The following GRM7 variants were observed in gnomAD, a reference collection of about 807,000 sequenced individuals.
GRM7 encodes the protein metabotropic glutamate receptor 7.
In GRM7, 35 loss-of-function variants were observed where a neutral mutation model predicts 84.5. That is an observed-to-expected ratio of 0.41 (90% confidence interval 0.32 to 0.55). The LOEUF (loss-of-function observed/expected upper bound fraction) is 0.55. Among genes scored for constraint, GRM7 ranks in the 20% least tolerant of loss-of-function variants. GRM7 has a pLI of 0.19. For synonymous variants in GRM7, 487 were observed against 455.1 expected (o/e 1.07, Z -0.89); for missense variants, 1,003 against 1,194.6 (o/e 0.84, Z 2.36).
At chr3:7,692,480 C>G (rs1196458235) in intron 9 of GRM7, among the ~76,000 whole-genome samples, 1 of 152,132 alleles carries the variant, frequency 6.6e-6, no homozygotes, top group African/African-American at 2.4e-5. Context: ...GGAAGTTTGG[C>G]TTTTATTGCA....
At chr3:7,541,316 C>G (rs1575472280) in intron 7 of GRM7, among the ~76,000 whole-genome samples, 1 of 151,962 alleles carries the variant, frequency 6.6e-6, no homozygotes, top group South Asian at 2.1e-4. Context: ...AAATTTGGAG[C>G]CAAACTTATA....
At chr3:7,401,653 C>T (rs891851414) in intron 4 of GRM7, among the ~76,000 whole-genome samples, 1 of 152,104 alleles carries the variant, frequency 6.6e-6, no homozygotes, top group South Asian at 2.1e-4. Context: ...TACTGAATAT[C>T]ACTGCCTCCA....
At chr3:7,425,787 T>C (rs1188436151) in intron 5 of GRM7, among the ~76,000 whole-genome samples, 5 of 152,140 alleles carry the variant, frequency 3.3e-5, no homozygotes. Flanking sequence ...CAAAAAAGAA[T>C]ACAAAGAAAA....
intron 7 of GRM7, among the ~76,000 whole-genome samples, chr3:7,525,478 C>G (rs774344481): frequency 1.4e-4 from 21 of 152,020 alleles, no homozygotes; most frequent in Non-Finnish European, 2.6e-4. Context: ...TTCAGGTTCT[C>G]AAGTAGCTGG....
At chr3:6,985,700 C>G (rs1168407651) in intron 1 of GRM7, among the ~76,000 whole-genome samples, 1 of 152,172 alleles carries the variant, frequency 6.6e-6, no homozygotes, top group Non-Finnish European at 1.5e-5. Context: ...TATTCCACAT[C>G]TGCTGGTGCT....
At chr3:7,141,722 C>T (rs962023429) in intron 1 of GRM7, among the ~76,000 whole-genome samples, 2 of 151,158 alleles carry the variant, frequency 1.3e-5, no homozygotes, top group African/African-American at 4.9e-5. Context: ...AAAACACTGG[C>T]CCAAGACTTG....
chr3:7,116,352 C>A (rs1333486524), intron 1 of GRM7, among the ~76,000 whole-genome samples: 1 of 152,100 alleles, frequency 6.6e-6, no homozygotes, highest in Non-Finnish European at 1.5e-5. Flanking sequence ...CCATTGTAGA[C>A]ACTTCTATTT....
At chr3:7,108,043 G>A (rs1321722136) in intron 1 of GRM7, among the ~76,000 whole-genome samples, 7 of 152,046 alleles carry the variant, frequency 4.6e-5, no homozygotes, top group Admixed American at 2.0e-4. Context: ...TTACAGAGTA[G>A]TACTAACTGT....
At chr3:7,710,345 T>A (rs1357838547) in intron 9 of GRM7, among the ~76,000 whole-genome samples, 1 of 152,178 alleles carries the variant, frequency 6.6e-6, no homozygotes, top group African/African-American at 2.4e-5. Flanking sequence ...ACGGGACCTG[T>A]TTTTGCTGTA....
At chr3:7,290,551 C>A (rs1050038442) in intron 2 of GRM7, among the ~76,000 whole-genome samples, 1 of 152,136 alleles carries the variant, frequency 6.6e-6, no homozygotes, top group African/African-American at 2.4e-5. Flanking sequence ...TTAGCATGTG[C>A]AGATAGCACT....
At chr3:7,534,012 CTTTT>C (rs3034006) in intron 7 of GRM7, among the ~76,000 whole-genome samples, 34 of 111,588 alleles carry the variant, frequency 3.0e-4, no homozygotes, top group African/African-American at 6.0e-4. Context: ...GGGCTGAATA[CTTTT>C]TTTTTTTTTT....
At chr3:6,881,881 C>A (rs1342894778) in intron 1 of GRM7, among the ~76,000 whole-genome samples, 1 of 150,786 alleles carries the variant, frequency 6.6e-6, no homozygotes, top group Non-Finnish European at 1.5e-5. Context: ...AATAGGTGTT[C>A]ATTTCTGCCA....
intron 8 of GRM7, among the ~76,000 whole-genome samples, chr3:7,636,697 A>G (rs1451097952): frequency 2.6e-5 from 4 of 152,202 alleles, no homozygotes; most frequent in Non-Finnish European, 5.9e-5. Flanking sequence ...CCCATAAAGC[A>G]AGTGGGTGTA....
At chr3:7,040,406 G>A (rs1696553070) in intron 1 of GRM7, among the ~76,000 whole-genome samples, 1 of 151,984 alleles carries the variant, frequency 6.6e-6, no homozygotes, top group South Asian at 2.1e-4. Context: ...GGGTTAAAGC[G>A]ATTCTCCTGC....
chr3:7,244,712 A>G (rs1299232894), intron 2 of GRM7, among the ~76,000 whole-genome samples: 1 of 152,124 alleles, frequency 6.6e-6, no homozygotes, highest in Admixed American at 6.6e-5. Context: ...AGTCTTCAAA[A>G]AATATAAATG....
At chr3:7,259,703 G>A (rs1445287859) in intron 2 of GRM7, among the ~76,000 whole-genome samples, 1 of 152,160 alleles carries the variant, frequency 6.6e-6, no homozygotes, top group African/African-American at 2.4e-5. Context: ...GGGCATATAA[G>A]TTGATTCCAT....
intron 1 of GRM7, among the ~76,000 whole-genome samples, chr3:7,021,321 C>T (rs1302134675): frequency 1.3e-5 from 2 of 152,152 alleles, no homozygotes; most frequent in Admixed American, 1.3e-4. Flanking sequence ...CTATACCCTC[C>T]CCTCACCCTG....
chr3:7,124,090 C>T (rs530888641), intron 1 of GRM7, among the ~76,000 whole-genome samples: 32 of 152,086 alleles, frequency 2.1e-4, no homozygotes, highest in Non-Finnish European at 4.3e-4. Context: ...TGGTGTGATC[C>T]AGAATCATCT....
chr3:7,147,613 C>T (rs746970072), intron 2 of GRM7, among the ~76,000 whole-genome samples: 13 of 152,102 alleles, frequency 8.5e-5, no homozygotes, highest in Non-Finnish European at 1.8e-4. Flanking sequence ...GAGTATTTGA[C>T]GGTCAGACTA....
Sources: gnomAD v4.1 joint callset for allele counts (sites outside exome capture counted in the v4.1 genomes callset) on GRCh38, gnomAD v4.1.1 for gene constraint, MANE v1.5 for transcripts, NCBI Gene and HGNC (gene_info 2026-07-23, HGNC 2026-07-21) for gene names.